The following PDE6B variants were observed in gnomAD, a reference collection of about 807,000 sequenced individuals.
PDE6B encodes the protein phosphodiesterase 6B, also known as rod cGMP-specific 3',5'-cyclic phosphodiesterase subunit beta.
In PDE6B, 106 loss-of-function variants were observed where a neutral mutation model predicts 109.0. The observed-to-expected ratio is 0.97, with a 90% CI of 0.83 to 1.14. PDE6B has a LOEUF of 1.14. PDE6B is among the 50% of genes most tolerant of loss of function. The pLI, the probability that PDE6B is intolerant of heterozygous loss-of-function variation, is 0.00. For synonymous variants in PDE6B, 490 were observed against 471.3 expected, an observed-to-expected ratio of 1.04 and a Z score of -0.51; for missense variants, 1,193 against 1,155.6, an observed-to-expected ratio of 1.03 and a Z score of -0.47.
chr4:640,263 G>GTCCAATT (rs1405415155), intron 3 of PDE6B, among the ~76,000 whole-genome samples: 1 of 152,140 alleles, frequency 6.6e-6, no homozygotes, highest in Non-Finnish European at 1.5e-5. Context: ...CAATTGGCCA[G>GTCCAATT]GCGTGGTGGC....
chr4:634,151 G>T (rs562047983), intron 1 of PDE6B, among the ~76,000 whole-genome samples: 49 of 152,180 alleles, frequency 3.2e-4, no homozygotes, highest in African/African-American at 1.1e-3. Flanking sequence ...CTCCCACCCC[G>T]GCCTGCCAGC....
At chr4:655,046 A>G in intron 6 of PDE6B, 158 bp downstream of exon 6, 1 of 668,162 alleles carries the variant, frequency 1.5e-6, no homozygotes, top group Non-Finnish European at 2.7e-6. Context: ...GCCGTGGGGC[A>G]TAGTGGAGTT....
rs1737413018 is a variant in PDE6B at position 663,704 on chromosome 4, C to T, written c.1921-66C>T. 3 of 1,194,694 alleles carry T rather than the reference C, an allele frequency of 2.5e-6. No individual in the cohort carries two copies. The highest frequency in any genetic ancestry group is 3.0e-5 in the African/African-American group (2 of 66,300). The allele number at this position is 1,194,694 out of a possible 1,614,324, so 74.0% of individuals were successfully genotyped here. On this transcript the variant is annotated intron_variant, in intron 15 of 21. Coordinates refer to ENST00000496514, the MANE Select transcript of PDE6B (RefSeq NM_000283.4). The surrounding 1 kb of genome is among the most constrained non-coding windows in gnomAD (Gnocchi z 4.0). ...GCACAGGCAGCCGAGGCGGAAGGGG[C>T]GGGGTCCCCGGGCACCCTGAGAGGT...
intron 9 of PDE6B, 56 bp from the exon 10 acceptor site, chr4:657,295 A>G: frequency 1.2e-6 from 2 of 1,604,914 alleles, no homozygotes; most frequent in Non-Finnish European, 1.7e-6. Context: ...ACACAGGCAC[A>G]TGGGAGGGGG....
In PDE6B at chr4:668,509, C is replaced by T. The variant is rs1359180941; in HGVS notation, c.2503+503C>T. On this transcript the variant is annotated intron_variant, in intron 21 of 21. Coordinates refer to ENST00000496514, the MANE Select transcript of PDE6B (RefSeq NM_000283.4). ...CCCACTACCCCATGCTATTCCCCTA[C>T]CCCATGCTAGTACCACTACCCCATG... is the stretch of plus-strand genomic sequence containing the variant. 5.0e-5 allele frequency among the ~76,000 whole-genome samples: 7 copies of T among 139,880 alleles called. No homozygotes were observed. The East Asian group carries it at 1.5e-3, about 29-fold the overall frequency. The allele number at this position is 139,880 out of a possible 152,430, so 91.8% of individuals were successfully genotyped here.
rs148640385 is a variant in PDE6B at position 631,870 on chromosome 4, C to T, written c.469-2807C>T. On this transcript the variant is annotated intron_variant, in intron 1 of 21. Coordinates refer to ENST00000496514, the MANE Select transcript of PDE6B (RefSeq NM_000283.4). ...CATCTGAGGGTCACGTTGTGTGGAT[C>T]TGTGTGACACCATCTGCTATCTCAG... is the stretch of plus-strand genomic sequence containing the variant. Among the ~76,000 whole-genome samples, 624 of 150,426 alleles carry T rather than the reference C, an allele frequency of 4.1e-3. 1 individual carries two copies. Among genetic ancestry groups the T allele is most frequent in the Admixed American group, 6.9e-3 (104 of 15,138 alleles).
chr4:663,696 G>A lies in PDE6B; in HGVS notation c.1921-74G>A, dbSNP rs1057044003. On this transcript the variant is annotated intron_variant, in intron 15 of 21. Transcript: ENST00000496514. The surrounding 1 kb of genome is among the most constrained non-coding windows in gnomAD (Gnocchi z 4.0). ...CGTGAGAGGCACAGGCAGCCGAGGC[G>A]GAAGGGGCGGGGTCCCCGGGCACCC... The A allele has an allele frequency of 4.6e-6, 5 of 1,096,274 alleles. No individual in the cohort carries two copies. The African/African-American group carries it at 6.2e-5, about 14-fold the overall frequency. 67.9% of individuals were successfully genotyped at this position (1,096,274 alleles called of 1,614,324 possible).
chr4:668,573 T>C (rs1445755933), intron 21 of PDE6B, among the ~76,000 whole-genome samples: 1 of 116,938 alleles, frequency 8.6e-6, no homozygotes, highest in Admixed American at 8.4e-5. Flanking sequence ...TACCCCATGC[T>C]AGTACCACTA....
rs781658083 is a variant in PDE6B at position 626,035 on chromosome 4, G to A, written c.409G>A (p.Gly137Arg). Residue 137 changes from glycine to arginine, a missense_variant, in exon 1 of 22, where the codon GGG becomes AGG. Physicochemically the swap from Gly to Arg is moderately radical, Grantham distance 125 (BLOSUM62 -2). Coordinates refer to ENST00000496514, the MANE Select transcript of PDE6B (RefSeq NM_000283.4). The surrounding 1 kb of genome is among the most constrained non-coding windows in gnomAD (Gnocchi z 4.6). ...CGAGATCGTCTTCCCACTGGACATC[G>A]GGGTCGTGGGCCACGTGGCTCAGAC... is the stretch of plus-strand genomic sequence containing the variant. ...DSEIVFPLDI[G>R]VVGHVAQTKK... 5.6e-6 allele frequency: 9 copies of A among 1,595,730 alleles called. No individual in the cohort carries two copies. Among genetic ancestry groups the A allele is most frequent in the East Asian group, 2.3e-5 (1 of 44,002 alleles).
rs769367797 is a variant in PDE6B at position 659,477 on chromosome 4, GTGTC to G, written c.1467+464_1467+467del. ...TGTGTGCATGTGTGTGCACATGTGG[GTGTC>G]TGTGTGTGCACAAGTGTGTACGTGT... On this transcript the variant is annotated intron_variant, in intron 11 of 21. Transcript: ENST00000496514. Among the ~76,000 whole-genome samples, 153 of 151,302 alleles carry G rather than the reference GTGTC, an allele frequency of 1.0e-3. 1 individual carries two copies. The highest frequency in any genetic ancestry group is 2.9e-3 in the South Asian group (14 of 4,758).
chr4:653,549 C>T (rs139860738), intron 3 of PDE6B: 542 of 515,788 alleles, frequency 1.1e-3, no homozygotes, highest in Non-Finnish European at 1.7e-3. Context: ...AAGGGCTGGT[C>T]GGATGTTTGC....
chr4:630,607 C>T (rs1051235577), intron 1 of PDE6B, among the ~76,000 whole-genome samples: 3 of 152,068 alleles, frequency 2.0e-5, no homozygotes, highest in African/African-American at 7.2e-5. Flanking sequence ...CCTGGGGAGC[C>T]CCTGGGCTGG....
chr4:661,632 T>A (rs1187637271), intron 12 of PDE6B: 1 of 154,318 alleles, frequency 6.5e-6, no homozygotes, highest in Non-Finnish European at 1.4e-5. Flanking sequence ...AAAAAATATT[T>A]CCAAATAATT....
chr4:633,073 A>C lies in PDE6B; in HGVS notation c.469-1604A>C, dbSNP rs1435026249. Among the ~76,000 whole-genome samples the C allele has an allele frequency of 6.6e-6, 1 of 152,136 alleles. No homozygotes were observed. The highest frequency in any genetic ancestry group is 1.5e-5 in the Non-Finnish European group (1 of 68,004). On this transcript the variant is annotated intron_variant, in intron 1 of 21. Coordinates refer to ENST00000496514, the MANE Select transcript of PDE6B (RefSeq NM_000283.4). This position sits in a 1 kb window ranked among gnomAD's most constrained non-coding sequence, Gnocchi z 4.5. The stretch of plus-strand genomic sequence containing the variant: ...ACGGCTGGTGGAGGAGACACTGTCC[A>C]AACTGCCACAGGCACAACAGGCACC...
chr4:651,640 C>G (rs1179024497), intron 3 of PDE6B: 1 of 150,428 alleles, frequency 6.6e-6, no homozygotes, highest in Non-Finnish European at 1.5e-5. Context: ...GAGCCGTCTC[C>G]ATTCAGCAGG....
Position 663,127 on chromosome 4 carries a change from C to G in PDE6B, c.1860C>G (p.His620Gln), listed in dbSNP as rs371908618. 1.9e-6 allele frequency: 3 copies of G among 1,611,474 alleles called. No individual in the cohort carries two copies. Among genetic ancestry groups the G allele is most frequent in the African/African-American group, 2.7e-5 (2 of 74,788 alleles). The part of the protein sequence containing the change: ...MKSQNPLAKL[H>Q]GSSILERHHL... ...CCCAGAACCCCTTGGCTAAGCTCCACGGCTCCTCGATTTTGGAGCGGCACC... is the reference window on the plus strand; with the variant it reads ...CCCAGAACCCCTTGGCTAAGCTCCAGGGCTCCTCGATTTTGGAGCGGCACC... Residue 620 changes from histidine (H) to glutamine (Q), a missense_variant, in exon 15 of 22, where the codon CAC becomes CAG. His to Gln is a conservative substitution (Grantham distance 24, BLOSUM62 0). Transcript: ENST00000496514. This position sits in a 1 kb window ranked among gnomAD's most constrained non-coding sequence, Gnocchi z 4.0.
chr4:640,244 A>G (rs1734880847), intron 3 of PDE6B, among the ~76,000 whole-genome samples: 1 of 152,106 alleles, frequency 6.6e-6, no homozygotes, highest in Non-Finnish European at 1.5e-5. Context: ...ATTTTATTAT[A>G]ATAAAGTCCA....
chr4:662,010 C>G lies in PDE6B; in HGVS notation c.1615-124C>G. ...GCAGGGATGGGGAAGATCGGGAAGT[C>G]CAGGAGACGGTGTGGGGATGATGGC... On this transcript the variant is annotated intron_variant, in intron 12 of 21. Coordinates refer to ENST00000496514, the MANE Select transcript of PDE6B (RefSeq NM_000283.4). The surrounding 1 kb of genome is among the most constrained non-coding windows in gnomAD (Gnocchi z 4.3). 1 of 697,364 alleles carries G rather than the reference C, an allele frequency of 1.4e-6. No homozygotes were observed. Among genetic ancestry groups the G allele is most frequent in the Non-Finnish European group, 2.6e-6 (1 of 380,204 alleles). 43.2% of individuals were successfully genotyped at this position (697,364 alleles called of 1,614,324 possible). A position where few individuals can be genotyped will look rare whatever the true frequency, so the allele number is the denominator to read the frequency against.
intron 3 of PDE6B, among the ~76,000 whole-genome samples, chr4:640,203 C>T (rs2109146057): frequency 6.6e-6 from 1 of 152,230 alleles, no homozygotes; most frequent in East Asian, 1.9e-4. Context: ...TTTTAACTCA[C>T]TTTACACTGT....
Sources: allele counts gnomAD v4.1 joint callset (sites outside exome capture counted in the v4.1 genomes callset), GRCh38; gene constraint gnomAD v4.1.1; non-coding constraint Gnocchi (gnomAD v3.1); transcripts MANE v1.5; gene names NCBI Gene and HGNC (gene_info 2026-07-23, HGNC 2026-07-21).